TGFBR2: variants seen among roughly 807,000 people sequenced by gnomAD.
TGFBR2 encodes TGF-beta receptor type-2.
A neutral mutation model predicts 49.0 loss-of-function variants in TGFBR2; 18 were observed. The ratio of observed to expected loss-of-function variants is 0.37; its 90% CI spans 0.25 to 0.54. The LOEUF (loss-of-function observed/expected upper bound fraction) is 0.54, where lower values mean the gene tolerates loss of function less well. TGFBR2 is among the 20% of genes least tolerant of loss of function. The pLI is 0.85. For synonymous variants in TGFBR2, 282 were observed against 275.9 expected (o/e 1.02, Z -0.22); for missense variants, 525 against 722.6 (o/e 0.73, Z 3.13).
At chr3:30,686,917 T>C (rs952678563) in intron 5 of TGFBR2, among the ~76,000 whole-genome samples, 1 of 152,210 alleles carries the variant, frequency 6.6e-6, no homozygotes, top group Non-Finnish European at 1.5e-5. Flanking sequence ...CATTCATTCA[T>C]TCATTCATTC....
intron 3 of TGFBR2, among the ~76,000 whole-genome samples, chr3:30,655,868 C>T (rs1461599737): frequency 6.6e-6 from 1 of 152,240 alleles, no homozygotes; most frequent in Non-Finnish European, 1.5e-5. Flanking sequence ...ACACATACCT[C>T]TTCTGAACGG....
At chr3:30,687,215 T>A (rs1699638065) in intron 5 of TGFBR2, among the ~76,000 whole-genome samples, 1 of 152,206 alleles carries the variant, frequency 6.6e-6, no homozygotes, top group Non-Finnish European at 1.5e-5. Flanking sequence ...GGTTACCTCC[T>A]CCTTTATCAT....
Position 30,688,500 on chromosome 3 carries a change from C to T in TGFBR2, c.1513C>T (p.Leu505Phe). 2 of 1,614,222 alleles carry T rather than the reference C, an allele frequency of 1.2e-6. No homozygotes were observed. The highest frequency in any genetic ancestry group is 1.1e-5 in the South Asian group (1 of 91,086). The change falls in exon 6 of 7, where the codon CTC (leucine) becomes TTC (phenylalanine). Residue 505 changes from leucine to phenylalanine, a missense_variant. This residue lies in a region of TGFBR2 where 104 missense variants were observed against 133.4 expected (regional missense o/e 0.78). Transcript: ENST00000295754. ...GCGACCAGAAATTCCCAGCTTCTGG[C>T]TCAACCACCAGGTAAGGAGTGAGTG... ...RGRPEIPSFW[L>F]NHQGIQMVCE...
intron 5 of TGFBR2, among the ~76,000 whole-genome samples, chr3:30,674,680 A>G (rs1699403276): frequency 6.6e-6 from 1 of 152,066 alleles, no homozygotes; most frequent in Non-Finnish European, 1.5e-5. Context: ...ACTTTTATGG[A>G]CATGACATTG....
intron 1 of TGFBR2, among the ~76,000 whole-genome samples, chr3:30,622,879 C>CAAAAAAAA (rs10575244): frequency 4.0e-5 from 3 of 75,624 alleles, no homozygotes; most frequent in Non-Finnish European, 6.9e-5. Context: ...GACTTTGTCT[C>CAAAAAAAA]AAAAAAAAAA....
intron 3 of TGFBR2, among the ~76,000 whole-genome samples, chr3:30,653,954 T>G (rs1369305091): frequency 1.3e-5 from 2 of 152,330 alleles, no homozygotes; most frequent in East Asian, 3.9e-4. Context: ...TAACACTTTG[T>G]CTACAATCAA....
At position 30,672,833 on chromosome 3, in the gene TGFBR2, A is replaced by G. The variant is rs1325736215; in HGVS notation, c.1254+396A>G. On this transcript the variant is annotated intron_variant, in intron 4 of 6. Coordinates refer to ENST00000295754, the MANE Select transcript of TGFBR2 (RefSeq NM_003242.6). This position sits in a 1 kb window ranked among gnomAD's most constrained non-coding sequence, Gnocchi z 4.5. ...AGTTGTGTTGGTTTCTTTGTATTAA[A>G]AGCATCGTGGAAGGCAATCTCCCTG... 6.6e-6 allele frequency among the ~76,000 whole-genome samples: 1 copy of G among 152,182 alleles called. No individual in the cohort carries two copies. The highest frequency in any genetic ancestry group is 1.5e-5 in the Non-Finnish European group (1 of 68,040).
chr3:30,650,167 A>C, intron 2 of TGFBR2, 103 bp from the exon 3 acceptor site: 1 of 1,210,478 alleles, frequency 8.3e-7, no homozygotes. Context: ...TTCATGAAGG[A>C]AAAGTATTCC....
chr3:30,655,864 A>G (rs533400286), intron 3 of TGFBR2, among the ~76,000 whole-genome samples: 53 of 152,324 alleles, frequency 3.5e-4, no homozygotes, highest in African/African-American at 1.1e-3. Flanking sequence ...CAAGACACAT[A>G]CCTCTTCTGA....
rs965840165 is a variant in TGFBR2 at position 30,691,925 on chromosome 3, ATATC to A, written c.*330_*333del. 1.1e-4 allele frequency: 24 copies of A among 226,664 alleles called. No homozygotes were observed. Among genetic ancestry groups the A allele is most frequent in the Non-Finnish European group, 1.6e-4 (18 of 114,500 alleles). 14.0% of individuals were successfully genotyped at this position (226,664 alleles called of 1,614,324 possible). A position where few individuals can be genotyped will look rare whatever the true frequency, so the allele number is the denominator to read the frequency against. ...AGCTATGTTTTATATATATATATAT[ATATC>A]TATATATGTCTATAGCTCTATATAT... On this transcript the variant is annotated 3_prime_UTR_variant, in exon 7 of 7. Transcript: ENST00000295754.
At position 30,676,526 on chromosome 3, in the gene TGFBR2, G is replaced by A. The variant is rs534821668; in HGVS notation, c.1396+2280G>A. On this transcript the variant is annotated intron_variant, in intron 5 of 6. Coordinates refer to ENST00000295754, the MANE Select transcript of TGFBR2 (RefSeq NM_003242.6). The surrounding 1 kb of genome is among the most constrained non-coding windows in gnomAD (Gnocchi z 4.3). ...ACTAATTATGTATTTATATCAGCAGGGGATTTGGGGTATTTGTTTCATTAT... is the reference window on the plus strand; with the variant it reads ...ACTAATTATGTATTTATATCAGCAGAGGATTTGGGGTATTTGTTTCATTAT... Among the ~76,000 whole-genome samples the A allele has an allele frequency of 6.6e-6, 1 of 152,248 alleles. No individual in the cohort carries two copies. The highest frequency in any genetic ancestry group is 2.4e-5 in the African/African-American group (1 of 41,534).
intron 1 of TGFBR2, among the ~76,000 whole-genome samples, chr3:30,619,151 G>A (rs1698184154): frequency 6.6e-6 from 1 of 151,760 alleles, no homozygotes; most frequent in South Asian, 2.1e-4. Flanking sequence ...GGTGATTCCT[G>A]TTGCATCAAA....
At position 30,623,372 on chromosome 3, in the gene TGFBR2, T is replaced by C. The variant is rs117998227; in HGVS notation, c.94+16395T>C. ...GTAAATCTAAGATAAAAATCTATAGTCTCCTCGTATTTTCATATTTTCATA... is the reference window on the plus strand; with the variant it reads ...GTAAATCTAAGATAAAAATCTATAGCCTCCTCGTATTTTCATATTTTCATA... On this transcript the variant is annotated intron_variant, in intron 1 of 6. Coordinates refer to ENST00000295754, the MANE Select transcript of TGFBR2 (RefSeq NM_003242.6). 12,625 of 1,434,056 alleles carry C rather than the reference T, an allele frequency of 8.8e-3. 112 individuals carry two copies. The highest frequency in any genetic ancestry group is 0.021 in the South Asian group (1,790 of 85,318). 88.8% of individuals were successfully genotyped at this position (1,434,056 alleles called of 1,614,324 possible). A position where few individuals can be genotyped will look rare whatever the true frequency, so the allele number is the denominator to read the frequency against.
intron 1 of TGFBR2, among the ~76,000 whole-genome samples, chr3:30,625,982 G>T (rs1698324658): frequency 2.6e-5 from 4 of 152,158 alleles, no homozygotes; most frequent in Admixed American, 6.5e-5. Flanking sequence ...AACCCTGGCT[G>T]CACGTTAGGA....
At chr3:30,656,901 A>G (rs1277667825) in intron 3 of TGFBR2, among the ~76,000 whole-genome samples, 1 of 152,226 alleles carries the variant, frequency 6.6e-6, no homozygotes. Flanking sequence ...TAGAACAACT[A>G]TAGTGATGAT....
At chr3:30,671,036 T>C (rs1389378913) in intron 3 of TGFBR2, among the ~76,000 whole-genome samples, 3 of 152,204 alleles carry the variant, frequency 2.0e-5, no homozygotes, top group Non-Finnish European at 2.9e-5. Flanking sequence ...CGCTCTGTGT[T>C]TTTACCAGAT....
chr3:30,655,498 A>G (rs965122539), intron 3 of TGFBR2, among the ~76,000 whole-genome samples: 1 of 152,204 alleles, frequency 6.6e-6, no homozygotes, highest in Non-Finnish European at 1.5e-5. Context: ...ATAATATTAC[A>G]AATTAGACAC....
intron 1 of TGFBR2, among the ~76,000 whole-genome samples, chr3:30,627,515 C>G (rs1266583889): frequency 1.3e-5 from 2 of 151,902 alleles, no homozygotes; most frequent in Admixed American, 6.6e-5. Flanking sequence ...CCTAAAAACC[C>G]TGTATTTTGG....
chr3:30,626,287 T>C (rs1370598583), intron 1 of TGFBR2: 1 of 152,056 alleles, frequency 6.6e-6, no homozygotes, highest in East Asian at 1.9e-4. Context: ...ATGAGCAAGG[T>C]TTTAGAAGGT....
Sources: allele counts gnomAD v4.1 joint callset (sites outside exome capture counted in the v4.1 genomes callset), GRCh38; gene constraint gnomAD v4.1.1; regional missense constraint gnomAD v4.1.1; non-coding constraint Gnocchi (gnomAD v3.1); transcripts MANE v1.5; gene names NCBI Gene and HGNC (gene_info 2026-07-23, HGNC 2026-07-21).